EXOC6B: variants seen among roughly 807,000 people sequenced by gnomAD.
EXOC6B encodes the protein SEC15 homolog B.
EXOC6B carries 54 observed loss-of-function variants against 113.5 expected under a neutral mutation model. The ratio of observed to expected loss-of-function variants is 0.48; its 90% CI spans 0.38 to 0.60. The LOEUF (loss-of-function observed/expected upper bound fraction) is 0.60. Ranked by LOEUF, EXOC6B falls within the 20% of genes least tolerant of loss-of-function variation. The pLI, the probability that EXOC6B is intolerant of heterozygous loss-of-function variation, is 0.00. For synonymous variants in EXOC6B, 357 were observed against 339.0 expected, an observed-to-expected ratio of 1.05 and a Z score of -0.58; for missense variants, 797 against 977.5, an observed-to-expected ratio of 0.82 and a Z score of 2.46.
At chr2:72,551,207 A>G (rs1372415719) in intron 8 of EXOC6B, among the ~76,000 whole-genome samples, 9 of 151,954 alleles carry the variant, frequency 5.9e-5, no homozygotes, top group Non-Finnish European at 1.2e-4. Flanking sequence ...TCATATTTTA[A>G]TATCATAAAA....
chr2:72,538,624 A>T (rs375759382), intron 8 of EXOC6B, among the ~76,000 whole-genome samples: 1 of 152,226 alleles, frequency 6.6e-6, no homozygotes, highest in African/African-American at 2.4e-5. Flanking sequence ...TTCCTACCAC[A>T]TTAGATAGCA....
chr2:72,486,895 G>A (rs1270647790), intron 16 of EXOC6B, among the ~76,000 whole-genome samples: 5 of 150,228 alleles, frequency 3.3e-5, no homozygotes, highest in Admixed American at 2.0e-4. Context: ...TGTCTTAACC[G>A]ACTTCCCCTG....
At chr2:72,747,507 T>C (rs1048766613) in intron 1 of EXOC6B, among the ~76,000 whole-genome samples, 8 of 152,048 alleles carry the variant, frequency 5.3e-5, no homozygotes, top group Non-Finnish European at 1.2e-4. Context: ...TTGATAGTGA[T>C]GCAATCCTGA....
chr2:72,748,689 A>T (rs556700604), intron 1 of EXOC6B, among the ~76,000 whole-genome samples: 1 of 152,180 alleles, frequency 6.6e-6, no homozygotes, highest in Admixed American at 6.6e-5. Flanking sequence ...TATAACCAAA[A>T]GAATGCTGTG....
rs376077523 is a variant in EXOC6B, at chr2:72,633,302, A to ATGTTGT, written c.670-57640_670-57635dup. Among the ~76,000 whole-genome samples, 3 of 152,180 alleles carry ATGTTGT rather than the reference A, an allele frequency of 2.0e-5. 1 individual carries two copies. In the East Asian group the frequency reaches 5.8e-4, roughly 29 times the overall value. ...TAAATTAGGCAGGATCATACACTGT[A>ATGTTGT]TGTTGTTGTTGTTGTTGTTGGAAGA... is the stretch of plus-strand genomic sequence containing the variant. On this transcript the variant is annotated intron_variant, in intron 6 of 21. Coordinates refer to ENST00000272427, the MANE Select transcript of EXOC6B (RefSeq NM_015189.3).
At chr2:72,382,239 A>G (rs1691724319) in intron 18 of EXOC6B, among the ~76,000 whole-genome samples, 1 of 152,224 alleles carries the variant, frequency 6.6e-6, no homozygotes. Context: ...GGCTATGCCA[A>G]CTGTGAACTT....
At chr2:72,813,413 T>C (rs935169944) in intron 1 of EXOC6B, among the ~76,000 whole-genome samples, 23 of 152,308 alleles carry the variant, frequency 1.5e-4, no homozygotes, top group African/African-American at 4.3e-4. Context: ...TAACAAAGTA[T>C]ACCATCAAAT....
intron 18 of EXOC6B, among the ~76,000 whole-genome samples, chr2:72,452,611 T>C (rs1696984176): frequency 6.6e-6 from 1 of 152,168 alleles, no homozygotes. Context: ...GAAGTCATTC[T>C]GAGAAGGAAA....
intron 18 of EXOC6B, among the ~76,000 whole-genome samples, chr2:72,401,552 T>TATATATATATAC (rs1693224313): frequency 1.1e-4 from 4 of 36,112 alleles, no homozygotes; most frequent in Non-Finnish European, 1.7e-4. Context: ...TATGTGTATA[T>TATATATATATAC]ATATATATAT....
chr2:72,694,323 T>C (rs1677711978), intron 6 of EXOC6B, among the ~76,000 whole-genome samples: 3 of 152,012 alleles, frequency 2.0e-5, no homozygotes, highest in Admixed American at 1.3e-4. Context: ...GCGCCTGTAA[T>C]CCCAGCTACT....
At chr2:72,646,979 G>C (rs1304099840) in intron 6 of EXOC6B, among the ~76,000 whole-genome samples, 6 of 152,120 alleles carry the variant, frequency 3.9e-5, no homozygotes, top group Non-Finnish European at 7.3e-5. Context: ...AGAATTAAAG[G>C]GTATTCAATT....
At chr2:72,795,891 A>G (rs530878510) in intron 1 of EXOC6B, among the ~76,000 whole-genome samples, 2 of 152,004 alleles carry the variant, frequency 1.3e-5, no homozygotes, top group East Asian at 4.0e-4. Flanking sequence ...CAGTGGCACA[A>G]TCTCGGTTAA....
In EXOC6B at chr2:72,769,424, C is replaced by T. The variant is rs766107481; in HGVS notation, c.114-27955G>A. On this transcript the variant is annotated intron_variant, in intron 1 of 21. Coordinates refer to ENST00000272427, the MANE Select transcript of EXOC6B (RefSeq NM_015189.3). The stretch of plus-strand genomic sequence containing the variant: ...GATAAATGAAAAAGTGTTACATATT[C>T]CTAGCAGTGTCAAGGAAGTGATAAA... Among the ~76,000 whole-genome samples the T allele has an allele frequency of 2.2e-4, 33 of 152,124 alleles. 1 individual carries two copies. The highest frequency in any genetic ancestry group is 1.3e-4 in the Admixed American group (2 of 15,284).
intron 6 of EXOC6B, among the ~76,000 whole-genome samples, chr2:72,688,177 T>A (rs1008302889): frequency 1.2e-4 from 18 of 152,272 alleles, no homozygotes; most frequent in African/African-American, 3.9e-4. Context: ...CCACATTAAT[T>A]GCTGAGCATG....
At chr2:72,685,754 T>C (rs1005605186) in intron 6 of EXOC6B, among the ~76,000 whole-genome samples, 4 of 152,202 alleles carry the variant, frequency 2.6e-5, no homozygotes, top group African/African-American at 9.6e-5. Context: ...GCTTTCTCTC[T>C]GAAAATAAAG....
chr2:72,500,022 G>A, intron 11 of EXOC6B, 50 bp from the exon 12 acceptor site: 1 of 1,208,468 alleles, frequency 8.3e-7, no homozygotes, highest in Non-Finnish European at 1.2e-6. Flanking sequence ...TAGTAAAAAT[G>A]CAATTAAATT....
At chr2:72,347,812 T>A (rs1572948787) in intron 19 of EXOC6B, among the ~76,000 whole-genome samples, 1 of 152,158 alleles carries the variant, frequency 6.6e-6, no homozygotes, top group Non-Finnish European at 1.5e-5. Flanking sequence ...TAGCTCTAGA[T>A]GACATTGATT....
intron 20 of EXOC6B, among the ~76,000 whole-genome samples, chr2:72,273,811 C>G (rs1376355684): frequency 1.3e-5 from 2 of 152,150 alleles, no homozygotes; most frequent in African/African-American, 4.8e-5. Flanking sequence ...GAGGAATGAT[C>G]AATTTAATTT....
At chr2:72,253,549 C>G (rs1349748663) in intron 20 of EXOC6B, among the ~76,000 whole-genome samples, 3 of 152,174 alleles carry the variant, frequency 2.0e-5, no homozygotes, top group African/African-American at 4.8e-5. Flanking sequence ...TTGCAGCAAC[C>G]TGGATGGAGC....
Sources: gnomAD v4.1 joint callset for allele counts (sites outside exome capture counted in the v4.1 genomes callset) on GRCh38, gnomAD v4.1.1 for gene constraint, MANE v1.5 for transcripts, NCBI Gene and HGNC (gene_info 2026-07-23, HGNC 2026-07-21) for gene names.